Variants in PALM observed in about 807,000 individuals in gnomAD.
PALM encodes the protein paralemmin, also known as paralemmin-1.
Under a neutral mutation model 30.7 loss-of-function variants are expected in PALM, and 18 were observed. That is an observed-to-expected ratio of 0.59 (90% CI 0.41 to 0.87). The LOEUF (loss-of-function observed/expected upper bound fraction) is 0.87, where lower values mean the gene tolerates loss of function less well. Among genes scored for constraint, PALM ranks in the 40% least tolerant of loss-of-function variants. The pLI is 0.00. For synonymous variants in PALM, 286 were observed against 242.8 expected (o/e 1.18, Z -1.66); for missense variants, 529 against 555.4 (o/e 0.95, Z 0.48).
chr19:722,443 G>T, intron 1 of PALM: 1 of 152,338 alleles, frequency 6.6e-6, no homozygotes, highest in South Asian at 2.1e-4. Context: ...TGCCCAGGCT[G>T]GTCTCGAACT....
rs1181930115 is a variant in PALM at position 742,500 on chromosome 19, G to A, written c.634+2017G>A. ...GACGCCTGTAATCCCAGATACTTTGGAGGCTGAAGCAGGAGAATCACTTGA... is the reference window on the plus strand; with the variant it reads ...GACGCCTGTAATCCCAGATACTTTGAAGGCTGAAGCAGGAGAATCACTTGA... On this transcript the variant is annotated intron_variant, in intron 8 of 8. Transcript: ENST00000338448. This position sits in a 1 kb window ranked among gnomAD's most constrained non-coding sequence, Gnocchi z 5.5. 3.3e-5 allele frequency among the ~76,000 whole-genome samples: 5 copies of A among 152,078 alleles called. 1 individual carries two copies. The highest frequency in any genetic ancestry group is 3.3e-4 in the Admixed American group (5 of 15,268).
rs373256462 is a variant in PALM at position 746,502 on chromosome 19, G to A, written c.852G>A (p.Thr284=). 10 of 1,612,242 alleles carry A rather than the reference G, an allele frequency of 6.2e-6. No individual in the cohort carries two copies. Among genetic ancestry groups the A allele is most frequent in the Admixed American group, 3.3e-5 (2 of 59,952 alleles). ...TGVQAQPGEA[T]SGPPGIQPGQ... ...TGCAGGCACAGCCAGGCGAGGCCAC[G>A]TCCGGCCCGCCGGGGATCCAGCCCG... The change falls in exon 9 of 9, where the codon ACG becomes ACA. Residue 284 remains threonine (T), a synonymous_variant. Transcript: ENST00000338448. This position sits in a 1 kb window ranked among gnomAD's most constrained non-coding sequence, Gnocchi z 7.1.
rs1370580929 is a variant in PALM at position 731,347 on chromosome 19, C to T, written c.420+102C>T. ...ATGTCAGCGTAGCTGAGGGGACAGG[C>T]ACAGACTAGAGCCAGGCACTTGATT... On this transcript the variant is annotated intron_variant, in intron 5 of 8. Coordinates refer to ENST00000338448, the MANE Select transcript of PALM (RefSeq NM_002579.3). 3 of 1,093,076 alleles carry T rather than the reference C, an allele frequency of 2.7e-6. No homozygotes were observed. The African/African-American group carries it at 4.8e-5, about 18-fold the overall frequency. The allele number at this position is 1,093,076 out of a possible 1,614,324, so 67.7% of individuals were successfully genotyped here. A position where few individuals can be genotyped will look rare whatever the true frequency, so the allele number is the denominator to read the frequency against.
intron 1 of PALM, among the ~76,000 whole-genome samples, chr19:721,582 A>T (rs1352654128): frequency 1.4e-5 from 2 of 146,320 alleles, no homozygotes; most frequent in African/African-American, 5.1e-5. Context: ...TTTTAATTTT[A>T]AAAAAATTTT....
chr19:729,395 C>A (rs2144888299), intron 4 of PALM, among the ~76,000 whole-genome samples: 1 of 151,424 alleles, frequency 6.6e-6, no homozygotes, highest in African/African-American at 2.4e-5. Flanking sequence ...CCGAGTGTTA[C>A]CCACTCCCTG....
intron 1 of PALM, among the ~76,000 whole-genome samples, chr19:715,266 C>T (rs746393778): frequency 5.9e-5 from 9 of 151,658 alleles, no homozygotes; most frequent in South Asian, 2.1e-4. Flanking sequence ...AGCGAGACTC[C>T]GTCTCAAAAA....
intron 2 of PALM, among the ~76,000 whole-genome samples, chr19:726,443 C>G (rs745412697): frequency 6.6e-6 from 1 of 152,162 alleles, no homozygotes; most frequent in African/African-American, 2.4e-5. Context: ...TTCCCTGGAA[C>G]CCTGCCCTCG....
At position 709,070 on chromosome 19, in the gene PALM, T is replaced by C. The variant is rs868345817; in HGVS notation, c.-77T>C. 1 of 207,468 alleles carries C rather than the reference T, an allele frequency of 4.8e-6. No homozygotes were observed. The allele number at this position is 207,468 out of a possible 1,614,324, so 12.9% of individuals were successfully genotyped here. ...CGGCCCCCGCCAGGCCGCGTCCCCCTCCCCTCCCCTCCCCCGCGCGCCACC... is the reference window on the plus strand; with the variant it reads ...CGGCCCCCGCCAGGCCGCGTCCCCCCCCCCTCCCCTCCCCCGCGCGCCACC... On this transcript the variant is annotated 5_prime_UTR_variant, in exon 1 of 9. Coordinates refer to ENST00000338448, the MANE Select transcript of PALM (RefSeq NM_002579.3). This position sits in a 1 kb window ranked among gnomAD's most constrained non-coding sequence, Gnocchi z 4.3.
chr19:719,916 G>C (rs2032402219), intron 1 of PALM, among the ~76,000 whole-genome samples: 2 of 152,162 alleles, frequency 1.3e-5, no homozygotes, highest in South Asian at 4.1e-4. Context: ...TCCGTGCGTC[G>C]TGGTCATATT....
chr19:743,697 T>G (rs1957183976), intron 8 of PALM, among the ~76,000 whole-genome samples: 1 of 152,158 alleles, frequency 6.6e-6, no homozygotes, highest in Admixed American at 6.5e-5. Flanking sequence ...GCCGTGTTTC[T>G]AGAAGGAATT....
At chr19:714,819 A>ATGTTT (rs987803936) in intron 1 of PALM, among the ~76,000 whole-genome samples, 1 of 151,740 alleles carries the variant, frequency 6.6e-6, no homozygotes, top group East Asian at 1.9e-4. Context: ...GCTAATTATT[A>ATGTTT]TGTTTTGTTT....
intron 4 of PALM, among the ~76,000 whole-genome samples, chr19:730,637 A>G (rs1208540244): frequency 2.0e-5 from 3 of 151,936 alleles, no homozygotes; most frequent in Non-Finnish European, 4.4e-5. Flanking sequence ...TGGCTTTTGC[A>G]CTCCGTGCCT....
chr19:727,685 C>A lies in PALM; in HGVS notation c.260C>A (p.Ser87Ter). ...DEQKTRLLED[S>*]VSRLEKEIEV... Reference sequence around the variant, plus strand: ...CAGAAGACACGGCTGCTGGAGGACTCGGTGTCCAGGTGGGGGCTGCAGCGT... The same window carrying A: ...CAGAAGACACGGCTGCTGGAGGACTAGGTGTCCAGGTGGGGGCTGCAGCGT... Residue 87 changes from serine to a stop codon, truncating the protein, a stop_gained, in exon 4 of 9, where the codon TCG becomes TAG. Transcript: ENST00000338448. LOFTEE classifies it high-confidence loss of function. 6.4e-7 allele frequency: 1 copy of A among 1,558,406 alleles called. No individual in the cohort carries two copies. Among genetic ancestry groups the A allele is most frequent in the Non-Finnish European group, 8.7e-7 (1 of 1,150,882 alleles).
At chr19:734,083 C>A in intron 5 of PALM, 90 bp from the exon 6 acceptor site, 1 of 1,234,296 alleles carries the variant, frequency 8.1e-7, no homozygotes, top group Non-Finnish European at 1.2e-6. Flanking sequence ...CCCACTGTGC[C>A]ATGCCCTCCC....
chr19:728,402 C>T (rs1191117020), intron 4 of PALM, among the ~76,000 whole-genome samples: 28 of 152,204 alleles, frequency 1.8e-4, no homozygotes, highest in Admixed American at 6.5e-5. Context: ...CCTTCCCAGA[C>T]GCTGGGTTCT....
chr19:734,309 C>T, intron 6 of PALM, 115 bp downstream of exon 6: 1 of 1,009,084 alleles, frequency 9.9e-7, no homozygotes, highest in African/African-American at 1.6e-5. Flanking sequence ...CCTGTGATCC[C>T]AGCACTTTGG....
At position 744,875 on chromosome 19, in the gene PALM, CAGAG is replaced by C. The variant is rs533868853; in HGVS notation, c.635-1409_635-1406del. ...CGCCACTGCACTCCACCCTGGGCGA[CAGAG>C]GGAGTCAAAAAAAAAAAGCAGCAGG... On this transcript the variant is annotated intron_variant, in intron 8 of 8. Transcript: ENST00000338448. Among the ~76,000 whole-genome samples, 169 of 119,014 alleles carry C rather than the reference CAGAG, an allele frequency of 1.4e-3. 2 individuals are homozygous for C. Among genetic ancestry groups the C allele is most frequent in the East Asian group, 3.6e-3 (16 of 4,416 alleles). The allele number at this position is 119,014 out of a possible 152,430, so 78.1% of individuals were successfully genotyped here. A position where few individuals can be genotyped will look rare whatever the true frequency, so the allele number is the denominator to read the frequency against.
At chr19:712,203 A>C (rs1292454259) in intron 1 of PALM, among the ~76,000 whole-genome samples, 2 of 140,758 alleles carry the variant, frequency 1.4e-5, no homozygotes, top group Admixed American at 1.4e-4. Context: ...TTGTATTTTT[A>C]GTAGCGACAG....
At chr19:714,515 C>T (rs573941233) in intron 1 of PALM, among the ~76,000 whole-genome samples, 72 of 151,088 alleles carry the variant, frequency 4.8e-4, no homozygotes, top group African/African-American at 1.7e-3. Context: ...CCCGCCACCA[C>T]GCCCGGCTAA....
Sources: allele counts gnomAD v4.1 joint callset (sites outside exome capture counted in the v4.1 genomes callset), GRCh38; gene constraint gnomAD v4.1.1; non-coding constraint Gnocchi (gnomAD v3.1); transcripts MANE v1.5; gene names NCBI Gene and HGNC (gene_info 2026-07-23, HGNC 2026-07-21).